SEMA3D: variants seen among roughly 807,000 people sequenced by gnomAD.
SEMA3D encodes semaphorin-3D.
A neutral mutation model predicts 100.1 loss-of-function variants in SEMA3D; 84 were observed. That is an observed-to-expected ratio of 0.84 (90% CI 0.70 to 1.01). The LOEUF (loss-of-function observed/expected upper bound fraction) is 1.01, where lower values mean the gene tolerates loss of function less well. SEMA3D is among the 50% of genes least tolerant of loss of function. The pLI is 0.00. For missense variants in SEMA3D, 875 were observed against 934.1 expected (o/e 0.94, Z 0.82); for synonymous variants, 312 against 320.7 (o/e 0.97, Z 0.29).
At chr7:85,059,515 C>T (rs1791416128) in intron 8 of SEMA3D, among the ~76,000 whole-genome samples, 1 of 151,930 alleles carries the variant, frequency 6.6e-6, no homozygotes, top group Non-Finnish European at 1.5e-5. Flanking sequence ...GCATGATGTC[C>T]CTTGAAATTT....
the SEMA3D span, among the ~76,000 whole-genome samples, chr7:85,209,569 G>T: frequency 1.3e-5 from 2 of 151,886 alleles, no homozygotes; most frequent in Non-Finnish European, 2.9e-5. Flanking sequence ...AGAGCAAAAA[G>T]AATTATTATT....
At chr7:85,031,766 T>C (rs1790556884) in intron 12 of SEMA3D, among the ~76,000 whole-genome samples, 2 of 151,970 alleles carry the variant, frequency 1.3e-5, no homozygotes, top group East Asian at 3.9e-4. Flanking sequence ...TACGGGCTTA[T>C]CAGAGTGTCT....
In SEMA3D at chr7:85,134,917, T is replaced by C. The variant is rs554070940; in HGVS notation, c.-40-12986A>G. On this transcript the variant is annotated intron_variant, in intron 2 of 18. Coordinates refer to ENST00000284136, the MANE Select transcript of SEMA3D (RefSeq NM_001384900.1). ...GAACTATAGATGTTATAAAGATTCA[T>C]ACCCTCCAAAACGGGAGGAATAACT... Among the ~76,000 whole-genome samples, 3 of 152,148 alleles carry C rather than the reference T, an allele frequency of 2.0e-5. No homozygotes were observed. In the South Asian group the frequency reaches 6.2e-4, roughly 32 times the overall value.
chr7:85,052,725 A>C (rs1791201267), intron 9 of SEMA3D, among the ~76,000 whole-genome samples: 2 of 151,872 alleles, frequency 1.3e-5, no homozygotes, highest in Admixed American at 1.3e-4. Context: ...AAAAGCTTTG[A>C]AAGAAAAGGG....
At chr7:85,103,788 G>C (rs773342674) in intron 3 of SEMA3D, among the ~76,000 whole-genome samples, 21 of 151,878 alleles carry the variant, frequency 1.4e-4, no homozygotes, top group Non-Finnish European at 2.8e-4. Context: ...ATGAAGCAAG[G>C]ACACGATTTT....
chr7:85,236,200 G>T, the SEMA3D span, among the ~76,000 whole-genome samples: 4 of 151,930 alleles, frequency 2.6e-5, no homozygotes, highest in African/African-American at 9.7e-5. Context: ...TGCAACCCAA[G>T]AACTCCTTTT....
chr7:85,033,848 A>G (rs942547642), intron 12 of SEMA3D, among the ~76,000 whole-genome samples: 1 of 102,084 alleles, frequency 9.8e-6, no homozygotes, highest in African/African-American at 4.6e-5. Context: ...CCCAATTTTA[A>G]TCACACACAT....
At chr7:85,148,752 G>A (rs2191484) in intron 2 of SEMA3D, among the ~76,000 whole-genome samples, 149,669 of 152,180 alleles carry the variant, frequency 0.98, 73,610 homozygotes, top group East Asian at 1. Flanking sequence ...AATCAGTCGC[G>A]GTAACATCAG....
the SEMA3D span, among the ~76,000 whole-genome samples, chr7:85,213,327 G>T: frequency 6.6e-6 from 1 of 151,892 alleles, no homozygotes; most frequent in Non-Finnish European, 1.5e-5. Context: ...AATGCTAAAA[G>T]TACCTAAAAC....
At chr7:85,028,088 G>C in intron 12 of SEMA3D, 1 of 620,368 alleles carries the variant, frequency 1.6e-6, no homozygotes, top group Non-Finnish European at 3.0e-6. Context: ...AGTTTGATAT[G>C]ACATATTGGC....
chr7:85,236,059 T>G, the SEMA3D span, among the ~76,000 whole-genome samples: 3 of 152,092 alleles, frequency 2.0e-5, no homozygotes, highest in Non-Finnish European at 4.4e-5. Context: ...TTTTCATATG[T>G]AACTTCAGAC....
chr7:85,104,071 T>A (rs1443901667), intron 3 of SEMA3D, among the ~76,000 whole-genome samples: 2 of 152,096 alleles, frequency 1.3e-5, no homozygotes, highest in Non-Finnish European at 2.9e-5. Context: ...CCACATGTAG[T>A]TAGTAATCAT....
chr7:85,144,746 G>A lies in SEMA3D; in HGVS notation c.-41+8862C>T. ...TGCCTCTAGTATGATATGTCTGAAT[G>A]GTGTAAAGCAAATAATAATATTTCA... is the stretch of plus-strand genomic sequence containing the variant. On this transcript the variant is annotated intron_variant, in intron 2 of 18. Transcript: ENST00000284136. The A allele has an allele frequency of 6.4e-6, 5 of 780,738 alleles. No individual in the cohort carries two copies. The South Asian group carries it at 2.9e-4, about 45-fold the overall frequency. The allele number at this position is 780,738 out of a possible 1,614,324, so 48.4% of individuals were successfully genotyped here. A position where few individuals can be genotyped will look rare whatever the true frequency, so the allele number is the denominator to read the frequency against.
chr7:85,039,352 A>G (rs1436817826), intron 11 of SEMA3D, among the ~76,000 whole-genome samples: 5 of 152,016 alleles, frequency 3.3e-5, no homozygotes, highest in Non-Finnish European at 5.9e-5. Flanking sequence ...CCGCCTTTCA[A>G]GTTCAAGTGA....
At chr7:85,086,886 G>A (rs531195087) in intron 4 of SEMA3D, among the ~76,000 whole-genome samples, 7 of 152,088 alleles carry the variant, frequency 4.6e-5, no homozygotes, top group East Asian at 1.9e-4. Flanking sequence ...TTGAGATTGC[G>A]TCACTATTAG....
At chr7:85,168,588 T>C (rs543298989) in intron 1 of SEMA3D, among the ~76,000 whole-genome samples, 2 of 150,566 alleles carry the variant, frequency 1.3e-5, no homozygotes, top group African/African-American at 2.4e-5. Context: ...GTGTCTCAGA[T>C]TGGTGCAAAA....
the SEMA3D span, among the ~76,000 whole-genome samples, chr7:85,228,990 C>T: frequency 2.0e-5 from 3 of 151,990 alleles, no homozygotes; most frequent in Non-Finnish European, 2.9e-5. Context: ...AGTGAAAGAA[C>T]TTCTAGACAT....
intron 9 of SEMA3D, 45 bp downstream of exon 9, chr7:85,055,671 TA>T: frequency 3.8e-6 from 1 of 260,116 alleles, no homozygotes; most frequent in East Asian, 1.1e-4. Context: ...TATATATATA[TA>T]TATATATATA....
Position 85,073,427 on chromosome 7 carries a change from T to G in SEMA3D, c.376-346A>C, listed in dbSNP as rs573318409. 1.1e-4 allele frequency among the ~76,000 whole-genome samples: 17 copies of G among 152,204 alleles called. No individual in the cohort carries two copies. In the South Asian group the frequency reaches 3.5e-3, roughly 32 times the overall value. Reference sequence around the variant, plus strand: ...TCCATATTTAAAATTTTCTCTTTTTTTTTTTAGAGATGACACCTCTCTATG... The same window carrying G: ...TCCATATTTAAAATTTTCTCTTTTTGTTTTTAGAGATGACACCTCTCTATG... On this transcript the variant is annotated intron_variant, in intron 5 of 18. Coordinates refer to ENST00000284136, the MANE Select transcript of SEMA3D (RefSeq NM_001384900.1).
Sources: gnomAD v4.1 joint callset for allele counts (sites outside exome capture counted in the v4.1 genomes callset) on GRCh38, gnomAD v4.1.1 for gene constraint, MANE v1.5 for transcripts, NCBI Gene and HGNC (gene_info 2026-07-23, HGNC 2026-07-21) for gene names.